TRERF1: variants seen among roughly 807,000 people sequenced by gnomAD.
TRERF1 encodes the protein transcriptional-regulating factor 1.
Under a neutral mutation model 122.9 loss-of-function variants are expected in TRERF1, and 27 were observed. The ratio of observed to expected loss-of-function variants is 0.22; its 90% CI spans 0.16 to 0.30. TRERF1 has a LOEUF of 0.30. Among genes scored for constraint, TRERF1 ranks in the 10% least tolerant of loss-of-function variants. TRERF1 has a pLI of 1.00. For synonymous variants in TRERF1, 636 were observed against 641.7 expected (o/e 0.99, Z 0.13); for missense variants, 1,248 against 1,560.3 (o/e 0.80, Z 3.37).
At chr6:42,412,198 T>C (rs1423137033) in intron 2 of TRERF1, among the ~76,000 whole-genome samples, 1 of 151,992 alleles carries the variant, frequency 6.6e-6, no homozygotes, top group Admixed American at 6.6e-5. Context: ...ACAGGGTTTC[T>C]CCATGTTAGT....
intron 2 of TRERF1, among the ~76,000 whole-genome samples, chr6:42,367,887 A>T (rs1773047785): frequency 6.6e-6 from 1 of 152,044 alleles, no homozygotes; most frequent in Non-Finnish European, 1.5e-5. Flanking sequence ...TCTGATCTCC[A>T]TCTGGCTGCC....
At position 42,232,784 on chromosome 6, in the gene TRERF1, C is replaced by A. The variant is rs371548825; in HGVS notation, c.3175G>T (p.Gly1059Cys). ...ACCGAACAGTACCCACTCTGGGTGC[C>A]ACCAGGCTTCTGCTTCCCAGAGGGG... Residue 1059 changes from glycine (G) to cysteine (C), a missense_variant, in exon 17 of 18, where the codon GGC becomes TGC. By Grantham distance (159) the Gly-to-Cys change is radical. Coordinates refer to ENST00000372922, the Ensembl canonical transcript of TRERF1. This position sits in a 1 kb window ranked among gnomAD's most constrained non-coding sequence, Gnocchi z 4.5. The A allele has an allele frequency of 1.2e-6, 2 of 1,613,268 alleles. No individual in the cohort carries two copies. The highest frequency in any genetic ancestry group is 1.3e-5 in the African/African-American group (1 of 74,924).
intron 2 of TRERF1, among the ~76,000 whole-genome samples, chr6:42,411,633 T>C (rs1456509098): frequency 6.6e-6 from 1 of 152,104 alleles, no homozygotes; most frequent in Non-Finnish European, 1.5e-5. Flanking sequence ...CAGACATGAC[T>C]ATAAGACCTG....
At chr6:42,446,112 C>A (rs1256345928) in intron 2 of TRERF1, among the ~76,000 whole-genome samples, 1 of 152,240 alleles carries the variant, frequency 6.6e-6, no homozygotes, top group Non-Finnish European at 1.5e-5. Flanking sequence ...CAGTGTTTCA[C>A]CATTTTGGCC....
At chr6:42,234,324 T>G in intron 16 of TRERF1, among the ~76,000 whole-genome samples, 1 of 151,572 alleles carries the variant, frequency 6.6e-6, no homozygotes, top group Non-Finnish European at 1.5e-5. Flanking sequence ...TCTCTGTTTT[T>G]TTTGTTTGTT....
chr6:42,360,658 A>G (rs1273631518), intron 3 of TRERF1, among the ~76,000 whole-genome samples: 1 of 149,696 alleles, frequency 6.7e-6, no homozygotes, highest in African/African-American at 2.5e-5. Flanking sequence ...ACCCTGACAA[A>G]GTGTCCAGAA....
At chr6:42,261,320 T>C (rs1453340612) in intron 8 of TRERF1, among the ~76,000 whole-genome samples, 2 of 152,106 alleles carry the variant, frequency 1.3e-5, no homozygotes, top group East Asian at 3.9e-4. Flanking sequence ...CCTTTTGGGC[T>C]CCCTCTCCTC....
intron 10 of TRERF1, 54 bp from the exon 11 acceptor site, chr6:42,257,156 GC>G (rs1776898920): frequency 3.8e-6 from 6 of 1,595,632 alleles, no homozygotes; most frequent in South Asian, 2.2e-5. Context: ...GATGGCTCAG[GC>G]CAAGGGCAAC....
Position 42,427,797 on chromosome 6 carries a change from G to A in TRERF1, c.-454+23380C>T, listed in dbSNP as rs896595567. On this transcript the variant is annotated intron_variant, in intron 2 of 17. Transcript: ENST00000372922. Reference sequence around the variant, plus strand: ...ACTCCTAGGCTCAAATGATCCTCCCGCCTCAGCCTCCCAAAATGTTGGAAT... The same window carrying A: ...ACTCCTAGGCTCAAATGATCCTCCCACCTCAGCCTCCCAAAATGTTGGAAT... Among the ~76,000 whole-genome samples the A allele has an allele frequency of 2.6e-5, 4 of 151,664 alleles. No individual in the cohort carries two copies. The South Asian group carries it at 6.3e-4, about 24-fold the overall frequency.
At chr6:42,256,770 T>C in exon 12 of TRERF1, 1 of 1,614,212 alleles carries the variant, frequency 6.2e-7, no homozygotes, top group Non-Finnish European at 8.5e-7. Context: ...GCAAAGCAAA[T>C]TCAGAATTGG....
Position 42,259,604 on chromosome 6 carries a change from G to T in TRERF1, c.2004C>A (p.Ser668=). The change falls in exon 9 of 18, where the codon TCC becomes TCA. Residue 668 remains serine (S), a synonymous_variant. Coordinates refer to ENST00000372922, the Ensembl canonical transcript of TRERF1. The surrounding 1 kb of genome is among the most constrained non-coding windows in gnomAD (Gnocchi z 4.9). ...AGGAGGCAGCGGGGTTCGGGTTGTA[G>T]GAGGGCGGCGGCGGGATGAAGAGAG... 2 of 1,613,908 alleles carry T rather than the reference G, an allele frequency of 1.2e-6. No homozygotes were observed. Among genetic ancestry groups the T allele is most frequent in the Non-Finnish European group, 1.7e-6 (2 of 1,179,958 alleles).
At chr6:42,267,891 C>A (rs181417237) in intron 5 of TRERF1, among the ~76,000 whole-genome samples, 1 of 152,182 alleles carries the variant, frequency 6.6e-6, no homozygotes, top group Non-Finnish European at 1.5e-5. Flanking sequence ...TTGACCATTA[C>A]GTGAATCATT....
intron 3 of TRERF1, among the ~76,000 whole-genome samples, chr6:42,303,599 T>C (rs537030361): frequency 2.0e-5 from 3 of 152,224 alleles, no homozygotes; most frequent in African/African-American, 7.2e-5. Flanking sequence ...ATCACTGTGG[T>C]ATTCAAGACA....
rs780960570 is a variant in TRERF1, at chr6:42,268,671, T to C, written c.920A>G (p.Gln307Arg). The change falls in exon 5 of 18, where the codon CAG becomes CGG. Residue 307 changes from glutamine (Q) to arginine (R), a missense_variant. By Grantham distance (43) the Gln-to-Arg change is conservative. Transcript: ENST00000372922. The surrounding 1 kb of genome is among the most constrained non-coding windows in gnomAD (Gnocchi z 4.4). ...CTGCAGCTGTAGCTGCTGCGGCTGC[T>C]GCTGCTGTGGCGGCGGCTGTGGCTG... 3.7e-6 allele frequency: 6 copies of C among 1,614,046 alleles called. No individual in the cohort carries two copies. Among genetic ancestry groups the C allele is most frequent in the African/African-American group, 1.3e-5 (1 of 74,930 alleles).
At chr6:42,362,467 CT>C (rs1395099112) in intron 3 of TRERF1, among the ~76,000 whole-genome samples, 2 of 152,220 alleles carry the variant, frequency 1.3e-5, no homozygotes, top group African/African-American at 4.8e-5. Context: ...ACTACTGACC[CT>C]TGAAACAGCT....
At chr6:42,415,081 T>C (rs1218771804) in intron 2 of TRERF1, among the ~76,000 whole-genome samples, 2 of 152,224 alleles carry the variant, frequency 1.3e-5, no homozygotes, top group African/African-American at 2.4e-5. Flanking sequence ...AATATTTTGA[T>C]CTCTTCCAAT....
At chr6:42,442,120 A>G (rs936469486) in intron 2 of TRERF1, among the ~76,000 whole-genome samples, 1 of 152,158 alleles carries the variant, frequency 6.6e-6, no homozygotes, top group Non-Finnish European at 1.5e-5. Flanking sequence ...TCAAGCCCCA[A>G]TACTTCAGAA....
chr6:42,256,655 A>T, intron 12 of TRERF1, 73 bp downstream of exon 12: 1 of 1,347,422 alleles, frequency 7.4e-7, no homozygotes, highest in Non-Finnish European at 1.1e-6. Context: ...GTTGTATGGT[A>T]CATGAGACAA....
At chr6:42,313,909 G>A (rs529766109) in intron 3 of TRERF1, among the ~76,000 whole-genome samples, 2 of 152,240 alleles carry the variant, frequency 1.3e-5, no homozygotes, top group Admixed American at 6.5e-5. Context: ...GGATCATGGA[G>A]GTAAGGACAG....
Sources: gnomAD v4.1 joint callset for allele counts (sites outside exome capture counted in the v4.1 genomes callset) on GRCh38, gnomAD v4.1.1 for gene constraint, Gnocchi (gnomAD v3.1) non-coding constraint, MANE v1.5 for transcripts, NCBI Gene and HGNC (gene_info 2026-07-23, HGNC 2026-07-21) for gene names.